Variants in ALLC observed in about 807,000 individuals in gnomAD.
ALLC encodes the protein allantoicase.
A neutral mutation model predicts 45.0 loss-of-function variants in ALLC; 40 were observed. That is an observed-to-expected ratio of 0.89 (90% CI 0.69 to 1.16). ALLC has a LOEUF of 1.16. Ranked by LOEUF, ALLC falls within the 50% of genes most tolerant of loss-of-function variation. The pLI is 0.00. For missense variants in ALLC, 488 were observed against 493.1 expected (o/e 0.99, Z 0.10); for synonymous variants, 176 against 178.1 (o/e 0.99, Z 0.09).
intron 10 of ALLC, 139 bp from the exon 11 acceptor site, chr2:3,701,373 C>T: frequency 2.9e-6 from 3 of 1,049,194 alleles, no homozygotes; most frequent in Non-Finnish European, 4.0e-6. Flanking sequence ...TCACATACTT[C>T]ATACCTTTGC....
At position 3,668,338 on chromosome 2, in the gene ALLC, G is replaced by C. The variant is rs116069375; in HGVS notation, c.-62-2758G>C. Among the ~76,000 whole-genome samples, 853 of 152,228 alleles carry C rather than the reference G, an allele frequency of 5.6e-3. 13 individuals carry two copies. Among genetic ancestry groups the C allele is most frequent in the African/African-American group, 0.019 (808 of 41,522 alleles). On this transcript the variant is annotated intron_variant, in intron 1 of 11. Coordinates refer to ENST00000252505, the MANE Select transcript of ALLC (RefSeq NM_018436.4). ...CAGGACAGAAGGGAAAGGGCCCTAA[G>C]TGAGGGAGGTGCTTGTGGCCAAGGT...
intron 4 of ALLC, 113 bp downstream of exon 4, chr2:3,678,668 T>C: frequency 2.5e-6 from 2 of 787,346 alleles, no homozygotes; most frequent in Non-Finnish European, 4.2e-6. Context: ...GGCCCTGGAA[T>C]GCTCTGTAAT....
the ALLC span, among the ~76,000 whole-genome samples, chr2:3,651,500 G>T: frequency 6.7e-6 from 1 of 149,146 alleles, no homozygotes; most frequent in South Asian, 2.2e-4. Flanking sequence ...GGAGCAGGAG[G>T]CAGAGGCCGA....
chr2:3,651,326 TG>T, the ALLC span, among the ~76,000 whole-genome samples: 4 of 1,008 alleles, frequency 4.0e-3, no homozygotes, highest in South Asian at 0.019. Context: ...GGGGGGTGTG[TG>T]TGTGTGTGTG....
chr2:3,670,716 A>G (rs1666844031), intron 1 of ALLC, among the ~76,000 whole-genome samples: 2 of 152,184 alleles, frequency 1.3e-5, no homozygotes, highest in Non-Finnish European at 2.9e-5. Context: ...GTCTCAATAC[A>G]TGTGTTTTGA....
chr2:3,659,041 G>A (rs907805231), intron 1 of ALLC, among the ~76,000 whole-genome samples: 15 of 152,106 alleles, frequency 9.9e-5, no homozygotes, highest in Non-Finnish European at 5.9e-5. Flanking sequence ...CCCTGCTCAA[G>A]GTCACTCTAA....
intron 1 of ALLC, among the ~76,000 whole-genome samples, chr2:3,665,593 T>C (rs1239435199): frequency 6.6e-6 from 1 of 152,246 alleles, no homozygotes; most frequent in East Asian, 1.9e-4. Context: ...GTTAGTTTGC[T>C]GAGGATAATG....
At chr2:3,690,249 CTT>C (rs1667440889) in intron 7 of ALLC, among the ~76,000 whole-genome samples, 2 of 40,040 alleles carry the variant, frequency 5.0e-5, no homozygotes, top group Non-Finnish European at 9.8e-5. Flanking sequence ...ATCCCCTCCC[CTT>C]CCCTTCCCTT....
chr2:3,679,416 T>C (rs1000321712), intron 4 of ALLC, among the ~76,000 whole-genome samples: 3 of 152,190 alleles, frequency 2.0e-5, no homozygotes, highest in Admixed American at 2.0e-4. Context: ...GAACACAGTG[T>C]CTGCAGGAGA....
At chr2:3,659,612 G>C (rs1450734394) in intron 1 of ALLC, among the ~76,000 whole-genome samples, 1 of 152,204 alleles carries the variant, frequency 6.6e-6, no homozygotes, top group Non-Finnish European at 1.5e-5. Context: ...AGCCGAGGTC[G>C]CGTGGCTCCT....
chr2:3,647,852 G>A, the ALLC span, among the ~76,000 whole-genome samples: 1 of 152,170 alleles, frequency 6.6e-6, no homozygotes, highest in Admixed American at 6.5e-5. Flanking sequence ...ACCCAGCTGC[G>A]GTCAGGCTCC....
chr2:3,699,244 A>G (rs1045006328), intron 10 of ALLC, among the ~76,000 whole-genome samples: 1 of 152,180 alleles, frequency 6.6e-6, no homozygotes, highest in African/African-American at 2.4e-5. Flanking sequence ...CACTTATGTA[A>G]ACATATAGTA....
upstream of ALLC, among the ~76,000 whole-genome samples, chr2:3,656,556 T>C (rs1030820724): frequency 3.3e-5 from 5 of 152,188 alleles, no homozygotes; most frequent in Admixed American, 3.3e-4. Flanking sequence ...AGAGAAGTAT[T>C]GAATTTAGCA....
chr2:3,664,856 C>T (rs1032078439), intron 1 of ALLC, among the ~76,000 whole-genome samples: 2 of 151,484 alleles, frequency 1.3e-5, no homozygotes, highest in African/African-American at 4.9e-5. Context: ...TGCATTCCAA[C>T]CTGGGCAACA....
At chr2:3,666,622 C>A (rs1166270148) in intron 1 of ALLC, among the ~76,000 whole-genome samples, 1 of 152,240 alleles carries the variant, frequency 6.6e-6, no homozygotes, top group Non-Finnish European at 1.5e-5. Context: ...TGTGCTGTGG[C>A]ACAGCAAACA....
intron 5 of ALLC, 29 bp from the exon 6 acceptor site, chr2:3,681,605 T>C: frequency 6.4e-7 from 1 of 1,553,294 alleles, no homozygotes; most frequent in Non-Finnish European, 8.8e-7. Context: ...AACCCTAATC[T>C]TAATCCTGAA....
chr2:3,673,426 C>T (rs1572512570), intron 2 of ALLC, among the ~76,000 whole-genome samples: 2 of 152,240 alleles, frequency 1.3e-5, no homozygotes, highest in Admixed American at 1.3e-4. Context: ...AAACAGCCAG[C>T]AGCTCTGAAA....
intron 7 of ALLC, 32 bp from the exon 8 acceptor site, chr2:3,695,685 C>T (rs1667645683): frequency 6.2e-7 from 1 of 1,613,468 alleles, no homozygotes; most frequent in Non-Finnish European, 8.5e-7. Flanking sequence ...GCCATTTTTA[C>T]AAACAATAAC....
chr2:3,694,281 C>T (rs1398741632), intron 7 of ALLC, among the ~76,000 whole-genome samples: 1 of 152,302 alleles, frequency 6.6e-6, no homozygotes, highest in East Asian at 1.9e-4. Context: ...TGGGCAATGC[C>T]TGCATGCAGA....
Sources: gnomAD v4.1 joint callset for allele counts (sites outside exome capture counted in the v4.1 genomes callset) on GRCh38, gnomAD v4.1.1 for gene constraint, MANE v1.5 for transcripts, NCBI Gene and HGNC (gene_info 2026-07-23, HGNC 2026-07-21) for gene names.